The following CLCN5 variants were observed in gnomAD, a reference collection of about 807,000 sequenced individuals.
CLCN5 encodes the protein Cl-/H+ antiporter 5, also known as H(+)/Cl(-) exchange transporter 5.
A neutral mutation model predicts 54.0 loss-of-function variants in CLCN5; 17 were observed. The observed-to-expected ratio is 0.31, with a 90% CI of 0.22 to 0.47. The LOEUF (loss-of-function observed/expected upper bound fraction) is 0.47, where lower values mean the gene tolerates loss of function less well. Among genes scored for constraint, CLCN5 ranks in the 20% least tolerant of loss-of-function variants. CLCN5 has a pLI of 1.00. For synonymous variants in CLCN5, 222 were observed against 233.0 expected (o/e 0.95, Z 0.43); for missense variants, 448 against 646.7 (o/e 0.69, Z 3.33).
intron 14 of CLCN5, 50 bp downstream of exon 14, chrX:50,090,936 C>T (rs1741136464): frequency 4.8e-6 from 5 of 1,034,634 alleles, no homozygotes; most frequent in Non-Finnish European, 6.8e-6. Flanking sequence ...AAAGAGAATG[C>T]AGAGATAGAA....
intron 4 of CLCN5, among the ~76,000 whole-genome samples, chrX:50,058,269 A>G (rs1220180766): frequency 9.0e-6 from 1 of 111,569 alleles, no homozygotes; most frequent in Non-Finnish European, 1.9e-5. Flanking sequence ...CTAAAGCAGT[A>G]CTTCAGGGTC....
chrX:50,013,230 A>G (rs782503542), intron 3 of CLCN5: 1 of 208,322 alleles, frequency 4.8e-6, no homozygotes, highest in Non-Finnish European at 9.0e-6. Context: ...TCCCATGTGC[A>G]GAAGAATGAA....
At chrX:50,080,225 G>T (rs1304675824) in intron 7 of CLCN5, among the ~76,000 whole-genome samples, 1 of 110,875 alleles carries the variant, frequency 9.0e-6, no homozygotes, top group Non-Finnish European at 1.9e-5. Flanking sequence ...CAAAAAAGCT[G>T]GGGGGGTGCT....
chrX:50,060,188 A>G (rs955820154), intron 4 of CLCN5, among the ~76,000 whole-genome samples: 7 of 110,418 alleles, frequency 6.3e-5, no homozygotes, highest in African/African-American at 1.3e-4. Flanking sequence ...TCCGGTCTAC[A>G]GCTCCCAGCG....
chrX:50,009,582 A>G, intron 3 of CLCN5: 1 of 318,758 alleles, frequency 3.1e-6, no homozygotes, highest in East Asian at 9.8e-5. Context: ...GTGCAGGGGG[A>G]TGAATACATA....
At chrX:49,953,077 GT>G (rs782635510) in intron 3 of CLCN5, among the ~76,000 whole-genome samples, 331 of 110,628 alleles carry the variant, frequency 3.0e-3, no homozygotes, top group Non-Finnish European at 5.5e-3. Context: ...TAGAGACAGG[GT>G]TTCTCCATGT....
rs189240366 is a variant in CLCN5, at chrX:50,019,233, T to C, written c.17-23083T>C. Among the ~76,000 whole-genome samples, 624 of 111,346 alleles carry C rather than the reference T, an allele frequency of 5.6e-3. 3 individuals carry two copies. Among genetic ancestry groups the C allele is most frequent in the Non-Finnish European group, 8.6e-3 (458 of 52,975 alleles). ...ATTAATCAAATTTGTGGGCATCAAA[T>C]TGTTAATATTCCTTTATTATCTTTT... On this transcript the variant is annotated intron_variant, in intron 3 of 14. Transcript: ENST00000376091.
intron 3 of CLCN5, among the ~76,000 whole-genome samples, chrX:49,938,484 G>A (rs7391989): frequency 5.6e-4 from 62 of 111,150 alleles, no homozygotes; most frequent in South Asian, 7.5e-4. Flanking sequence ...AAATAATGCC[G>A]CATATCTACA....
At chrX:50,072,643 T>G in intron 6 of CLCN5, 55 bp downstream of exon 6, 4 of 876,619 alleles carry the variant, frequency 4.6e-6, no homozygotes, top group Non-Finnish European at 5.1e-6. Context: ...GGTATGTCTC[T>G]CCCGTAAGTC....
At chrX:50,077,621 A>AGAGTGTGTGT (rs1345872952) in intron 7 of CLCN5, among the ~76,000 whole-genome samples, 2 of 78,716 alleles carry the variant, frequency 2.5e-5, no homozygotes, top group African/African-American at 1.1e-4. Flanking sequence ...AGAGAGAGAG[A>AGAGTGTGTGT]GTGTGTGTGT....
At chrX:49,923,770 G>A (rs1395831223) in intron 2 of CLCN5, 1 of 112,020 alleles carries the variant, frequency 8.9e-6, no homozygotes, top group Non-Finnish European at 1.9e-5. Flanking sequence ...TGGACTTCGC[G>A]AACTTTTCCT....
intron 3 of CLCN5, among the ~76,000 whole-genome samples, chrX:49,961,132 C>CA (rs1440145038): frequency 1.8e-5 from 2 of 112,310 alleles, no homozygotes; most frequent in African/African-American, 6.5e-5. Context: ...GCAGGAGGAA[C>CA]AGAGTTCGAT....
chrX:50,059,346 G>T (rs1343387817), intron 4 of CLCN5, among the ~76,000 whole-genome samples: 1 of 111,713 alleles, frequency 9.0e-6, no homozygotes, highest in African/African-American at 3.2e-5. Context: ...ACCATTTAGA[G>T]GTCTTCATGT....
chrX:50,018,943 T>C (rs1557183982), intron 3 of CLCN5, among the ~76,000 whole-genome samples: 1 of 111,770 alleles, frequency 8.9e-6, no homozygotes, highest in Non-Finnish European at 1.9e-5. Context: ...CATTCAGTTT[T>C]GGTATTAGGG....
intron 3 of CLCN5, among the ~76,000 whole-genome samples, chrX:50,019,468 C>CTTTTT (rs1175073117): frequency 0.012 from 558 of 47,362 alleles, no homozygotes; most frequent in Middle Eastern, 0.018. Flanking sequence ...TTTTTTTTTT[C>CTTTTT]TTTTTTTTTT....
At chrX:50,026,311 T>C (rs1385945678) in intron 3 of CLCN5, among the ~76,000 whole-genome samples, 4 of 111,994 alleles carry the variant, frequency 3.6e-5, no homozygotes, top group African/African-American at 1.3e-4. Context: ...TAGTGAATGT[T>C]CTGTGTGAGC....
At chrX:50,013,647 G>T (rs1230330432) in intron 3 of CLCN5, among the ~76,000 whole-genome samples, 1 of 112,174 alleles carries the variant, frequency 8.9e-6, no homozygotes, top group Non-Finnish European at 1.9e-5. Context: ...ATCTAAACTT[G>T]CCTGCAAGTT....
chrX:49,926,870 AT>A (rs1433567273), intron 3 of CLCN5, among the ~76,000 whole-genome samples: 1 of 110,099 alleles, frequency 9.1e-6, no homozygotes, highest in Non-Finnish European at 1.9e-5. Flanking sequence ...TAGGGGAGAG[AT>A]GGTAAGGGTC....
intron 12 of CLCN5, among the ~76,000 whole-genome samples, chrX:50,089,877 A>C (rs1307055173): frequency 2.7e-5 from 3 of 111,318 alleles, no homozygotes; most frequent in Non-Finnish European, 5.7e-5. Flanking sequence ...AGAGCACAAA[A>C]CCCGTCTCAA....
Sources: allele counts gnomAD v4.1 joint callset (sites outside exome capture counted in the v4.1 genomes callset), GRCh38; gene constraint gnomAD v4.1.1; transcripts MANE v1.5; gene names NCBI Gene and HGNC (gene_info 2026-07-23, HGNC 2026-07-21).